The following TRAPPC9 variants were observed in gnomAD, a reference collection of about 807,000 sequenced individuals.
The protein encoded by TRAPPC9 is trafficking protein particle complex subunit 9.
Under a neutral mutation model 124.0 loss-of-function variants are expected in TRAPPC9, and 83 were observed. The observed-to-expected ratio is 0.67, with a 90% CI of 0.56 to 0.80. The LOEUF is 0.80. TRAPPC9 is among the 30% of genes least tolerant of loss of function. The pLI is 0.00. For missense variants in TRAPPC9, 1,302 were observed against 1,508.3 expected (o/e 0.86, Z 2.27); for synonymous variants, 638 against 617.5 (o/e 1.03, Z -0.49).
intron 9 of TRAPPC9, among the ~76,000 whole-genome samples, chr8:140,355,462 C>T (rs2067712509): frequency 6.6e-6 from 1 of 152,208 alleles, no homozygotes; most frequent in African/African-American, 2.4e-5. Flanking sequence ...TCTCTCCTAA[C>T]TCACTCTACA....
At chr8:140,211,435 T>C (rs1184635327) in intron 17 of TRAPPC9, among the ~76,000 whole-genome samples, 1 of 152,116 alleles carries the variant, frequency 6.6e-6, no homozygotes, top group African/African-American at 2.4e-5. Flanking sequence ...AGCACGCACC[T>C]GTAGTCCCAG....
Position 140,451,111 on chromosome 8 carries a change from G to A in TRAPPC9, c.263C>T (p.Ser88Leu), listed in dbSNP as rs139631202. The change falls in exon 2 of 23, where the codon TCG becomes TTG. Residue 88 changes from serine to leucine, a missense_variant. Ser to Leu is a moderately radical substitution (Grantham distance 145, BLOSUM62 -2). Around this residue, in one of 3 missense-constraint regions of TRAPPC9, gnomAD observed 657 missense variants for 811.2 expected, o/e 0.81. Transcript: ENST00000438773. ...AAAGGTCTGTGGCCAGTCCTTGGCC[G>A]AGAAGCAGTCTGTGATGGTGATGAG... ...VGLITITDCF[S>L]AKDWPQTFEK... 1,475 of 1,614,064 alleles carry A rather than the reference G, an allele frequency of 9.1e-4. 1 individual carries two copies. The highest frequency in any genetic ancestry group is 1.1e-3 in the Non-Finnish European group (1,290 of 1,179,998).
chr8:139,981,932 T>TC (rs942029663), intron 19 of TRAPPC9, among the ~76,000 whole-genome samples: 5 of 152,176 alleles, frequency 3.3e-5, no homozygotes, highest in Non-Finnish European at 7.3e-5. Context: ...CGGTGCCAGG[T>TC]CCGCTGCACC....
At chr8:139,819,557 T>C (rs1005169376) in intron 21 of TRAPPC9, among the ~76,000 whole-genome samples, 20 of 152,172 alleles carry the variant, frequency 1.3e-4, no homozygotes, top group African/African-American at 4.8e-4. Context: ...AGGCGGCATA[T>C]GGAAGACAGT....
intron 17 of TRAPPC9, among the ~76,000 whole-genome samples, chr8:140,073,875 A>G (rs868516140): frequency 6.6e-6 from 1 of 152,206 alleles, no homozygotes; most frequent in Non-Finnish European, 1.5e-5. Flanking sequence ...TTTCCCTAGT[A>G]AATGAGTTAA....
At chr8:139,875,932 G>A (rs760405078) in intron 21 of TRAPPC9, among the ~76,000 whole-genome samples, 13 of 152,196 alleles carry the variant, frequency 8.5e-5, no homozygotes, top group Non-Finnish European at 1.6e-4. Flanking sequence ...GCAGAGGGCC[G>A]GTGGGCAAGC....
At chr8:140,446,322 G>T (rs553289067) in intron 2 of TRAPPC9, among the ~76,000 whole-genome samples, 478 of 145,558 alleles carry the variant, frequency 3.3e-3, no homozygotes, top group African/African-American at 0.011. Context: ...AGCAGACACA[G>T]TTATTTCTAT....
At chr8:139,865,587 T>C (rs761553480) in intron 21 of TRAPPC9, among the ~76,000 whole-genome samples, 10 of 151,920 alleles carry the variant, frequency 6.6e-5, no homozygotes, top group Non-Finnish European at 1.2e-4. Flanking sequence ...TAAGAGTGAA[T>C]GGCAAGGAAA....
chr8:140,093,914 C>A (rs1844744689), intron 17 of TRAPPC9, among the ~76,000 whole-genome samples: 1 of 152,120 alleles, frequency 6.6e-6, no homozygotes, highest in Admixed American at 6.5e-5. Flanking sequence ...TCCAAAACTC[C>A]CCATGGAGTC....
chr8:140,068,458 A>G (rs568374461), intron 17 of TRAPPC9, among the ~76,000 whole-genome samples: 39 of 152,318 alleles, frequency 2.6e-4, no homozygotes, highest in African/African-American at 8.9e-4. Context: ...CACAAGTGAC[A>G]TGAACTCTTA....
chr8:140,124,775 C>T (rs930945094), intron 17 of TRAPPC9, among the ~76,000 whole-genome samples: 2 of 152,128 alleles, frequency 1.3e-5, no homozygotes, highest in African/African-American at 2.4e-5. Flanking sequence ...GGGGTATAAT[C>T]TCCCACAGGG....
chr8:140,155,795 C>A (rs1218265799), intron 17 of TRAPPC9, among the ~76,000 whole-genome samples: 2 of 152,176 alleles, frequency 1.3e-5, no homozygotes, highest in African/African-American at 4.8e-5. Flanking sequence ...ATTGGCAATG[C>A]CTCATGGGAA....
At chr8:139,889,103 G>A (rs944400496) in intron 20 of TRAPPC9, among the ~76,000 whole-genome samples, 3 of 152,214 alleles carry the variant, frequency 2.0e-5, no homozygotes, top group African/African-American at 7.2e-5. Context: ...AAAATGGAAT[G>A]TTATTCGGCC....
chr8:140,374,991 G>A (rs566125579), intron 7 of TRAPPC9, among the ~76,000 whole-genome samples: 4 of 152,110 alleles, frequency 2.6e-5, no homozygotes, highest in South Asian at 2.1e-4. Context: ...GCCCTAAAAC[G>A]GTTCCTTAAT....
rs750004052 is a variant in TRAPPC9 at position 139,907,811 on chromosome 8, C to T, written c.2964+2336G>A. On this transcript the variant is annotated intron_variant, in intron 20 of 22. Transcript: ENST00000438773. This position sits in a 1 kb window ranked among gnomAD's most constrained non-coding sequence, Gnocchi z 4.7. Reference sequence around the variant, plus strand: ...TTTTTTGATACTGGTTTTCAAAGAACGCAAGAGTTCTGTGGGCCACTATCA... The same window carrying T: ...TTTTTTGATACTGGTTTTCAAAGAATGCAAGAGTTCTGTGGGCCACTATCA... Among the ~76,000 whole-genome samples, 2 of 152,186 alleles carry T rather than the reference C, an allele frequency of 1.3e-5. No homozygotes were observed. Among genetic ancestry groups the T allele is most frequent in the Non-Finnish European group, 2.9e-5 (2 of 68,036 alleles).
At chr8:140,406,502 C>T (rs1036696678) in intron 5 of TRAPPC9, among the ~76,000 whole-genome samples, 4 of 152,206 alleles carry the variant, frequency 2.6e-5, no homozygotes, top group Non-Finnish European at 4.4e-5. Flanking sequence ...AGGCCAAAGA[C>T]GTGCATCTCA....
intron 17 of TRAPPC9, among the ~76,000 whole-genome samples, chr8:140,028,330 C>A (rs1222841661): frequency 6.6e-6 from 1 of 152,060 alleles, no homozygotes; most frequent in East Asian, 1.9e-4. Flanking sequence ...GGACTACAAC[C>A]AAAATGTTTA....
intron 21 of TRAPPC9, among the ~76,000 whole-genome samples, chr8:139,744,016 C>T (rs1818725821): frequency 6.6e-6 from 1 of 152,212 alleles, no homozygotes; most frequent in Non-Finnish European, 1.5e-5. Flanking sequence ...CACAAGTGCA[C>T]TCACAGGTAC....
At chr8:139,970,995 T>C (rs1836025206) in intron 19 of TRAPPC9, among the ~76,000 whole-genome samples, 1 of 150,374 alleles carries the variant, frequency 6.7e-6, no homozygotes, top group Non-Finnish European at 1.5e-5. Context: ...TTCCCCTCCT[T>C]CTCCATACCC....
Sources: gnomAD v4.1 joint callset for allele counts (sites outside exome capture counted in the v4.1 genomes callset) on GRCh38, gnomAD v4.1.1 for gene constraint, gnomAD v4.1.1 regional missense constraint, Gnocchi (gnomAD v3.1) non-coding constraint, MANE v1.5 for transcripts, NCBI Gene and HGNC (gene_info 2026-07-23, HGNC 2026-07-21) for gene names.